CFAP70: variants seen among roughly 807,000 people sequenced by gnomAD.
The protein encoded by CFAP70 is cilia and flagella associated protein 70.
Under a neutral mutation model 137.6 loss-of-function variants are expected in CFAP70, and 81 were observed. The ratio of observed to expected loss-of-function variants is 0.59; its 90% CI spans 0.49 to 0.71. The LOEUF (loss-of-function observed/expected upper bound fraction) is 0.71. Among genes scored for constraint, CFAP70 ranks in the 30% least tolerant of loss-of-function variants. The pLI, the probability that CFAP70 is intolerant of heterozygous loss-of-function variation, is 0.00. For missense variants in CFAP70, 976 were observed against 1,226.7 expected (o/e 0.80, Z 3.05); for synonymous variants, 382 against 423.6 (o/e 0.90, Z 1.20).
At chr10:73,323,280 T>C (rs2051045674) in intron 8 of CFAP70, among the ~76,000 whole-genome samples, 183 bp from the exon 10 acceptor site, 1 of 130,082 alleles carries the variant, frequency 7.7e-6, no homozygotes, top group South Asian at 2.3e-4. Context: ...ATGGGTTTAA[T>C]AATACCATGA....
rs1414991581 is a variant in CFAP70, at chr10:73,327,269, C to G, written c.777+3908G>C. ...TTATCTCAAAAGATGCAGAAAAGGC[C>G]TTTGACAAAATTCAACAACCCTTCA... On this transcript the variant is annotated intron_variant, in intron 8 of 26. Transcript: ENST00000310715. Among the ~76,000 whole-genome samples, 6 of 151,022 alleles carry G rather than the reference C, an allele frequency of 4.0e-5. No homozygotes were observed. The East Asian group carries it at 1.2e-3, about 30-fold the overall frequency.
At chr10:73,337,642 C>T (rs901861888) in intron 6 of CFAP70, among the ~76,000 whole-genome samples, 1 of 151,218 alleles carries the variant, frequency 6.6e-6, no homozygotes, top group African/African-American at 2.4e-5. Flanking sequence ...CAGTGGTTCA[C>T]GCCTGTAATC....
chr10:73,343,682 C>T (rs2053469777), intron 5 of CFAP70, among the ~76,000 whole-genome samples: 1 of 152,082 alleles, frequency 6.6e-6, no homozygotes, highest in Non-Finnish European at 1.5e-5. Context: ...GCACTCTAGC[C>T]TGGGCGACAG....
At position 73,298,634 on chromosome 10, in the gene CFAP70, A is replaced by G. The variant is rs369854632; in HGVS notation, c.1512+273T>C. On this transcript the variant is annotated intron_variant, in intron 14 of 26. Transcript: ENST00000310715. The stretch of plus-strand genomic sequence containing the variant: ...ACCAGACAGAGTTTCTGCCTCCTAC[A>G]GTGACAATGAAATCTGGTACAAAAT... 4.7e-4 allele frequency among the ~76,000 whole-genome samples: 71 copies of G among 152,310 alleles called. No homozygotes were observed. In the South Asian group the frequency reaches 0.012, roughly 25 times the overall value.
At chr10:73,282,971 T>C (rs1055080217) in intron 19 of CFAP70, among the ~76,000 whole-genome samples, 2 of 151,816 alleles carry the variant, frequency 1.3e-5, no homozygotes, top group African/African-American at 4.8e-5. Context: ...TAGCTAGGAT[T>C]ACAGTCGTGC....
At chr10:73,355,532 A>G (rs1238110202) in intron 1 of CFAP70, among the ~76,000 whole-genome samples, 4 of 152,134 alleles carry the variant, frequency 2.6e-5, no homozygotes, top group Admixed American at 6.5e-5. Context: ...TAATCCCAAC[A>G]CTTTGGAAGG....
intron 25 of CFAP70, among the ~76,000 whole-genome samples, chr10:73,269,292 T>G (rs2046044331): frequency 6.6e-6 from 1 of 152,154 alleles, no homozygotes; most frequent in South Asian, 2.1e-4. Flanking sequence ...AGCCAGCATT[T>G]CAATGGGAAG....
rs757051292 is a variant in CFAP70, at chr10:73,269,604, A to G, written c.3027+10T>C. 23 of 1,603,078 alleles carry G rather than the reference A, an allele frequency of 1.4e-5. No homozygotes were observed. In the Middle Eastern group the frequency reaches 9.9e-4, roughly 69 times the overall value. Reference sequence around the variant, plus strand: ...TAAAAGGGCATTGTGTAAGGATAATAAACACTCACTTTCAGGCAGACCAGA... The same window carrying G: ...TAAAAGGGCATTGTGTAAGGATAATGAACACTCACTTTCAGGCAGACCAGA... On this transcript the variant is annotated intron_variant, in intron 25 of 26. Coordinates refer to ENST00000310715, the Ensembl canonical transcript of CFAP70.
intron 25 of CFAP70, 50 bp from the exon 27 acceptor site, chr10:73,256,466 G>A: frequency 2.5e-6 from 4 of 1,607,590 alleles, no homozygotes; most frequent in Non-Finnish European, 3.4e-6. Context: ...AAACATTATG[G>A]TAAGGAAAAT....
intron 4 of CFAP70, 147 bp from the exon 6 acceptor site, chr10:73,345,391 C>T: frequency 1.3e-6 from 1 of 742,778 alleles, no homozygotes; most frequent in East Asian, 2.7e-5. Context: ...TTCTCTAAGT[C>T]CCATGAGTTG....
chr10:73,324,123 T>C (rs543118278), intron 8 of CFAP70, among the ~76,000 whole-genome samples: 2 of 152,254 alleles, frequency 1.3e-5, no homozygotes, highest in South Asian at 4.1e-4. Context: ...TGCCGGGTAC[T>C]CCTCTGAGAC....
At chr10:73,319,152 T>G (rs1225397076) in intron 9 of CFAP70, among the ~76,000 whole-genome samples, 1 of 152,200 alleles carries the variant, frequency 6.6e-6, no homozygotes, top group Non-Finnish European at 1.5e-5. Flanking sequence ...AGATGTTTGC[T>G]TTATAGAAAC....
chr10:73,297,231 C>G (rs41280388), intron 14 of CFAP70, 58 bp from the exon 16 acceptor site: 1 of 1,556,992 alleles, frequency 6.4e-7, no homozygotes, highest in South Asian at 1.2e-5. Context: ...GCTGAGAGCA[C>G]GGGTCTCTCT....
intron 12 of CFAP70, among the ~76,000 whole-genome samples, chr10:73,305,683 C>T (rs2049317225): frequency 7.9e-5 from 12 of 152,138 alleles, no homozygotes; most frequent in Admixed American, 7.9e-4. Flanking sequence ...ACACCTTCAA[C>T]AATAAAAAGC....
chr10:73,298,762 T>A, intron 14 of CFAP70, 145 bp downstream of exon 15: 1 of 634,346 alleles, frequency 1.6e-6, no homozygotes, highest in East Asian at 2.9e-5. Context: ...CTCCTGACAC[T>A]CTATCATAGA....
chr10:73,278,094 G>C, intron 20 of CFAP70, 85 bp downstream of exon 21: 1 of 1,370,258 alleles, frequency 7.3e-7, no homozygotes, highest in Non-Finnish European at 1.0e-6. Flanking sequence ...AAACAAGTCA[G>C]GATTGCCATT....
chr10:73,336,569 A>T, intron 6 of CFAP70, among the ~76,000 whole-genome samples: 1 of 148,276 alleles, frequency 6.7e-6, no homozygotes, highest in African/African-American at 2.5e-5. Context: ...CAAGTGTGTT[A>T]TACTATTTTC....
intron 19 of CFAP70, among the ~76,000 whole-genome samples, chr10:73,282,097 T>C (rs79247871): frequency 0.052 from 6,367 of 123,294 alleles, 407 homozygotes; most frequent in African/African-American, 0.19. Flanking sequence ...CTCATCCATA[T>C]TGAGGCTGGG....
chr10:73,282,057 C>T (rs1207370479), intron 19 of CFAP70, among the ~76,000 whole-genome samples: 1 of 152,134 alleles, frequency 6.6e-6, no homozygotes, highest in Non-Finnish European at 1.5e-5. Context: ...AGCCAGGGAT[C>T]CCCCAAAGCC....
Sources: allele counts gnomAD v4.1 joint callset (sites outside exome capture counted in the v4.1 genomes callset), GRCh38; gene constraint gnomAD v4.1.1; transcripts MANE v1.5; gene names NCBI Gene and HGNC (gene_info 2026-07-23, HGNC 2026-07-21).